Variants in SYNRG observed in about 807,000 individuals in gnomAD.
SYNRG encodes synergin gamma.
Under a neutral mutation model 130.9 loss-of-function variants are expected in SYNRG, and 37 were observed. The ratio of observed to expected loss-of-function variants is 0.28; its 90% CI spans 0.22 to 0.37. The LOEUF (loss-of-function observed/expected upper bound fraction) is 0.37, where lower values mean the gene tolerates loss of function less well. SYNRG is among the 10% of genes least tolerant of loss of function. The probability of loss-of-function intolerance (pLI) is 1.00; values close to 1 mark genes in which losing one functional copy is unlikely to be tolerated. For synonymous variants in SYNRG, 539 were observed against 568.1 expected, an observed-to-expected ratio of 0.95 and a Z score of 0.73; for missense variants, 1,338 against 1,588.9, an observed-to-expected ratio of 0.84 and a Z score of 2.68.
intron 19 of SYNRG, among the ~76,000 whole-genome samples, chr17:37,526,813 A>G (rs1420419397): frequency 1.3e-5 from 2 of 152,198 alleles, no homozygotes; most frequent in Non-Finnish European, 2.9e-5. Context: ...TCACCTGGAT[A>G]ATCCAGGATA....
chr17:37,593,488 C>T (rs564760248), intron 3 of SYNRG, among the ~76,000 whole-genome samples: 16 of 152,186 alleles, frequency 1.1e-4, no homozygotes, highest in African/African-American at 3.6e-4. Context: ...TAAGAGATAA[C>T]TAAAGGAACA....
intron 15 of SYNRG, 96 bp from the exon 16 acceptor site, chr17:37,540,639 T>C: frequency 7.4e-7 from 1 of 1,350,048 alleles, no homozygotes; most frequent in Non-Finnish European, 1.0e-6. Context: ...TCTTTTTTTT[T>C]TTTTTTTTTT....
At chr17:37,588,355 C>T (rs1435732288) in intron 3 of SYNRG, among the ~76,000 whole-genome samples, 6 of 151,288 alleles carry the variant, frequency 4.0e-5, no homozygotes, top group East Asian at 1.9e-4. Flanking sequence ...CTCCACCTCC[C>T]GGGCTAAAGT....
chr17:37,605,991 C>G (rs1401573411), intron 1 of SYNRG: 1 of 985,322 alleles, frequency 1.0e-6, no homozygotes, highest in African/African-American at 1.7e-5. Flanking sequence ...AGACATCTTT[C>G]TAAATGATGG....
intron 14 of SYNRG, among the ~76,000 whole-genome samples, chr17:37,545,370 T>C (rs2058189571): frequency 6.6e-6 from 1 of 152,108 alleles, no homozygotes; most frequent in Non-Finnish European, 1.5e-5. Context: ...CACTCCAGCC[T>C]GGCGACAGTT....
Position 37,584,659 on chromosome 17 carries a change from G to A in SYNRG, c.578C>T (p.Pro193Leu), listed in dbSNP as rs1376581348. 1 of 1,613,016 alleles carries A rather than the reference G, an allele frequency of 6.2e-7. No homozygotes were observed. Residue 193 changes from proline to leucine, a missense_variant, in exon 6 of 22, where the codon CCC becomes CTC. Physicochemically the swap from Pro to Leu is moderately conservative, Grantham distance 98. Around this residue, in one of 3 missense-constraint regions of SYNRG, gnomAD observed 1,146 missense variants for 1,342.3 expected, o/e 0.85. Transcript: ENST00000612223. ...CCTCTTAAAACTACCTGGTTTCTTG[G>A]GGTGCGATGCTGGAGTAGGGTGCAT... ...AKMHPTPASH[P>L]KKPGPSLEEK...
intron 19 of SYNRG, among the ~76,000 whole-genome samples, chr17:37,521,752 G>A (rs900020234): frequency 3.9e-5 from 6 of 152,322 alleles, no homozygotes; most frequent in Middle Eastern, 3.4e-3. Flanking sequence ...AGGCAGCGGC[G>A]GTGGGGAATG....
At chr17:37,573,794 ATGT>A (rs2060615392) in intron 8 of SYNRG, among the ~76,000 whole-genome samples, 1 of 152,236 alleles carries the variant, frequency 6.6e-6, no homozygotes, top group East Asian at 1.9e-4. Context: ...GGAATAATCA[ATGT>A]TGTTAAAATG....
chr17:37,556,663 C>G (rs1366377448), intron 13 of SYNRG, among the ~76,000 whole-genome samples: 1 of 151,948 alleles, frequency 6.6e-6, no homozygotes, highest in African/African-American at 2.4e-5. Context: ...AAGAGAGGAA[C>G]AGCATTCAGA....
chr17:37,546,506 A>G (rs1306247690), intron 14 of SYNRG, among the ~76,000 whole-genome samples: 1 of 152,206 alleles, frequency 6.6e-6, no homozygotes, highest in African/African-American at 2.4e-5. Flanking sequence ...CTCAAATCAA[A>G]ACACATATTT....
intron 19 of SYNRG, among the ~76,000 whole-genome samples, chr17:37,523,300 T>C (rs1177246646): frequency 6.6e-6 from 1 of 152,108 alleles, no homozygotes; most frequent in African/African-American, 2.4e-5. Context: ...TAGCTGGGAC[T>C]ACAGGTGTGT....
intron 3 of SYNRG, among the ~76,000 whole-genome samples, chr17:37,594,136 T>G (rs1319766512): frequency 6.7e-6 from 1 of 149,256 alleles, no homozygotes; most frequent in Non-Finnish European, 1.5e-5. Flanking sequence ...GTGTAAGTCA[T>G]AAAATAATGT....
At chr17:37,561,287 A>C in intron 12 of SYNRG, 30 bp from the exon 13 acceptor site, 1 of 1,606,630 alleles carries the variant, frequency 6.2e-7, no homozygotes, top group Non-Finnish European at 8.5e-7. Flanking sequence ...AGCTCAGTTA[A>C]GGTTAGGAAT....
intron 15 of SYNRG, chr17:37,540,810 T>C: frequency 1.2e-6 from 1 of 814,676 alleles, no homozygotes; most frequent in Non-Finnish European, 1.6e-6. Context: ...AATTTTTGTA[T>C]TTTTAGTAGA....
chr17:37,563,994 C>G (rs142020692), intron 11 of SYNRG, among the ~76,000 whole-genome samples: 2 of 151,888 alleles, frequency 1.3e-5, no homozygotes, highest in African/African-American at 4.8e-5. Context: ...CAGGCACACA[C>G]CACCAGGCCT....
chr17:37,564,584 T>C (rs1250241479), intron 11 of SYNRG, among the ~76,000 whole-genome samples: 1 of 152,244 alleles, frequency 6.6e-6, no homozygotes, highest in Admixed American at 6.5e-5. Flanking sequence ...AGACCAACAA[T>C]GTTCTCCATC....
intron 19 of SYNRG, chr17:37,529,898 CT>C: frequency 6.5e-7 from 1 of 1,533,954 alleles, no homozygotes; most frequent in South Asian, 1.2e-5. Context: ...GTATAGAAAT[CT>C]AGTTTTCAAG....
chr17:37,601,999 G>GGGTTAAGCCTGGGTTA (rs1428618613), intron 1 of SYNRG, among the ~76,000 whole-genome samples: 9 of 151,826 alleles, frequency 5.9e-5, no homozygotes, highest in African/African-American at 2.4e-5. Context: ...CTGGGCGACA[G>GGGTTAAGCCTGGGTTA]AGTGAGATTC....
chr17:37,566,873 T>C (rs2060039809), intron 11 of SYNRG: 1 of 152,236 alleles, frequency 6.6e-6, no homozygotes, highest in South Asian at 2.1e-4. Context: ...TCTTTATTAA[T>C]TACATATGAT....
Sources: gnomAD v4.1 joint callset for allele counts (sites outside exome capture counted in the v4.1 genomes callset) on GRCh38, gnomAD v4.1.1 for gene constraint, gnomAD v4.1.1 regional missense constraint, MANE v1.5 for transcripts, NCBI Gene and HGNC (gene_info 2026-07-23, HGNC 2026-07-21) for gene names.